Variants in LRP1B observed in about 807,000 individuals in gnomAD.
The protein encoded by LRP1B is low-density lipoprotein receptor-related protein 1B.
LRP1B carries 217 observed loss-of-function variants against 556.6 expected under a neutral mutation model. The ratio of observed to expected loss-of-function variants is 0.39; its 90% CI spans 0.35 to 0.44. The LOEUF is 0.44. Ranked by LOEUF, LRP1B falls within the 20% of genes least tolerant of loss-of-function variation. LRP1B has a pLI of 1.00. For missense variants in LRP1B, 5,053 were observed against 5,620.8 expected (o/e 0.90, Z 3.23); for synonymous variants, 2,047 against 1,865.8 (o/e 1.10, Z -2.50).
At chr2:140,400,527 T>C (rs987366362) in intron 66 of LRP1B, among the ~76,000 whole-genome samples, 3 of 152,174 alleles carry the variant, frequency 2.0e-5, no homozygotes, top group African/African-American at 7.2e-5. Flanking sequence ...TCTTTGTGGG[T>C]ATAGGTTCTA....
chr2:140,426,879 G>A (rs959808121), intron 66 of LRP1B, among the ~76,000 whole-genome samples: 9 of 152,096 alleles, frequency 5.9e-5, no homozygotes, highest in African/African-American at 1.9e-4. Context: ...TGCTCTGTGA[G>A]AAAGATCCAC....
In LRP1B at chr2:141,077,692, A is replaced by T. The variant is rs533101244; in HGVS notation, c.1014-15419T>A. Among the ~76,000 whole-genome samples, 19 of 152,342 alleles carry T rather than the reference A, an allele frequency of 1.2e-4. No individual in the cohort carries two copies. The South Asian group carries it at 3.5e-3, about 28-fold the overall frequency. ...AGAAGTTCCACCTGTGGATTACCGCATCAGCTCTTGCCTGAGAGTTCCAGC... is the reference window on the plus strand; with the variant it reads ...AGAAGTTCCACCTGTGGATTACCGCTTCAGCTCTTGCCTGAGAGTTCCAGC... On this transcript the variant is annotated intron_variant, in intron 7 of 90. Coordinates refer to ENST00000389484, the MANE Select transcript of LRP1B (RefSeq NM_018557.3).
intron 1 of LRP1B, among the ~76,000 whole-genome samples, chr2:142,118,576 C>G (rs1291178490): frequency 2.0e-5 from 3 of 152,084 alleles, no homozygotes; most frequent in Non-Finnish European, 4.4e-5. Flanking sequence ...CCCTTATATT[C>G]ATTTTGAACC....
intron 5 of LRP1B, among the ~76,000 whole-genome samples, chr2:141,236,792 T>G (rs910083184): frequency 6.6e-6 from 1 of 152,060 alleles, no homozygotes; most frequent in Non-Finnish European, 1.5e-5. Flanking sequence ...AGTGCAGAAA[T>G]GAAGAATGGC....
At position 141,508,373 on chromosome 2, in the gene LRP1B, C is replaced by T. The variant is rs554196653; in HGVS notation, c.206-27840G>A. The stretch of plus-strand genomic sequence containing the variant: ...GGCTATCACTTTTGAAAAATATAGT[C>T]CATTATTCACACAGAAATTTTGTAG... On this transcript the variant is annotated intron_variant, in intron 2 of 90. Coordinates refer to ENST00000389484, the MANE Select transcript of LRP1B (RefSeq NM_018557.3). 2.6e-5 allele frequency among the ~76,000 whole-genome samples: 4 copies of T among 152,256 alleles called. No individual in the cohort carries two copies. In the East Asian group the frequency reaches 7.7e-4, roughly 29 times the overall value.
At chr2:142,054,877 ACTTCT>A (rs1179112042) in intron 1 of LRP1B, among the ~76,000 whole-genome samples, 3 of 152,100 alleles carry the variant, frequency 2.0e-5, no homozygotes, top group Non-Finnish European at 4.4e-5. Context: ...TTTAAGCTCA[ACTTCT>A]CTTTAAAATT....
chr2:140,699,917 G>GAA (rs35411688), intron 41 of LRP1B, among the ~76,000 whole-genome samples: 2,304 of 144,538 alleles, frequency 0.016, 77 homozygotes, highest in Admixed American at 0.069. Context: ...TTGCCCACTG[G>GAA]AAAAAAAAAA....
chr2:141,686,102 G>C (rs1223093735), intron 2 of LRP1B, among the ~76,000 whole-genome samples: 1 of 151,908 alleles, frequency 6.6e-6, no homozygotes, highest in African/African-American at 2.4e-5. Context: ...CCACTGAACT[G>C]TCATTTGAGG....
intron 7 of LRP1B, among the ~76,000 whole-genome samples, chr2:141,124,390 T>C (rs10186101): frequency 0.078 from 11,849 of 152,184 alleles, 773 homozygotes; most frequent in African/African-American, 0.18. Flanking sequence ...GCTCAAAAAA[T>C]ATAGAATATG....
intron 86 of LRP1B, among the ~76,000 whole-genome samples, chr2:140,253,823 C>T (rs746600840): frequency 7.2e-5 from 11 of 152,016 alleles, no homozygotes; most frequent in Non-Finnish European, 1.5e-4. Context: ...TAATTGAAGA[C>T]ATAAAAGTAG....
chr2:141,178,933 A>G (rs950561207), intron 7 of LRP1B, among the ~76,000 whole-genome samples: 1 of 152,072 alleles, frequency 6.6e-6, no homozygotes, highest in African/African-American at 2.4e-5. Context: ...ATATAATTTA[A>G]TTGTATTAAG....
intron 71 of LRP1B, among the ~76,000 whole-genome samples, chr2:140,369,598 A>G (rs1412155059): frequency 6.6e-6 from 1 of 151,902 alleles, no homozygotes; most frequent in Non-Finnish European, 1.5e-5. Flanking sequence ...GGCAAATTCA[A>G]AAGGAAACTG....
chr2:141,056,301 CT>C (rs1202008039), intron 9 of LRP1B, among the ~76,000 whole-genome samples: 1 of 151,860 alleles, frequency 6.6e-6, no homozygotes, highest in Non-Finnish European at 1.5e-5. Flanking sequence ...CTTATCATCA[CT>C]TTTGCTTTTT....
intron 43 of LRP1B, among the ~76,000 whole-genome samples, chr2:140,596,901 G>A (rs1420058894): frequency 6.6e-6 from 1 of 152,118 alleles, no homozygotes; most frequent in Non-Finnish European, 1.5e-5. Context: ...ACAGTATCTA[G>A]AACACAATTA....
At chr2:141,598,913 G>A (rs1056155945) in intron 2 of LRP1B, among the ~76,000 whole-genome samples, 5 of 151,972 alleles carry the variant, frequency 3.3e-5, no homozygotes, top group African/African-American at 1.2e-4. Flanking sequence ...CTAAAAGACT[G>A]CTGATCAGAC....
chr2:141,268,039 A>G (rs1041509985), intron 3 of LRP1B, among the ~76,000 whole-genome samples: 3 of 152,186 alleles, frequency 2.0e-5, no homozygotes, highest in Non-Finnish European at 4.4e-5. Context: ...ATAAATCCCC[A>G]TATTAGACTC....
At chr2:140,447,355 C>G (rs1021408052) in intron 63 of LRP1B, among the ~76,000 whole-genome samples, 2 of 151,450 alleles carry the variant, frequency 1.3e-5, no homozygotes, top group African/African-American at 2.4e-5. Flanking sequence ...AGTTCCAGAC[C>G]ACCACAATAA....
chr2:141,723,203 A>G (rs367797810), intron 2 of LRP1B, among the ~76,000 whole-genome samples: 24 of 149,866 alleles, frequency 1.6e-4, no homozygotes, highest in East Asian at 1.2e-3. Context: ...GTTTTAGTTC[A>G]TATTCCCCTG....
intron 3 of LRP1B, among the ~76,000 whole-genome samples, chr2:141,259,125 A>C (rs1684592855): frequency 6.6e-6 from 1 of 152,214 alleles, no homozygotes; most frequent in Admixed American, 6.5e-5. Flanking sequence ...TTGATTTAGA[A>C]ATAGTCAAAA....
Sources: allele counts gnomAD v4.1 joint callset (sites outside exome capture counted in the v4.1 genomes callset), GRCh38; gene constraint gnomAD v4.1.1; transcripts MANE v1.5; gene names NCBI Gene and HGNC (gene_info 2026-07-23, HGNC 2026-07-21).